The following RHOBTB1 variants were observed in gnomAD, a reference collection of about 807,000 sequenced individuals.
RHOBTB1 encodes the protein Rho related BTB domain containing 1, also known as rho-related BTB domain-containing protein 1.
Under a neutral mutation model 71.6 loss-of-function variants are expected in RHOBTB1, and 40 were observed. That is an observed-to-expected ratio of 0.56 (90% CI 0.43 to 0.73). RHOBTB1 has a LOEUF of 0.73. Ranked by LOEUF, RHOBTB1 falls within the 30% of genes least tolerant of loss-of-function variation. The pLI, the probability that RHOBTB1 is intolerant of heterozygous loss-of-function variation, is 0.00. For missense variants in RHOBTB1, 797 were observed against 894.0 expected (o/e 0.89, Z 1.38); for synonymous variants, 319 against 334.9 (o/e 0.95, Z 0.52).
At chr10:60,873,448 T>A (rs2080897139) in intron 9 of RHOBTB1, among the ~76,000 whole-genome samples, 1 of 152,176 alleles carries the variant, frequency 6.6e-6, no homozygotes, top group Admixed American at 6.5e-5. Flanking sequence ...CATGGGAGAA[T>A]CCATCCTAAG....
At chr10:60,963,027 G>A (rs945139985) in intron 2 of RHOBTB1, among the ~76,000 whole-genome samples, 6 of 152,058 alleles carry the variant, frequency 3.9e-5, no homozygotes, top group Non-Finnish European at 7.4e-5. Context: ...TACAGACCAC[G>A]GCTACAGATG....
intron 2 of RHOBTB1, among the ~76,000 whole-genome samples, chr10:60,915,730 A>G (rs1324141825): frequency 6.6e-6 from 1 of 152,232 alleles, no homozygotes; most frequent in Non-Finnish European, 1.5e-5. Flanking sequence ...CATGGTCTAC[A>G]GAATCACCCC....
chr10:60,937,241 T>A (rs2084642937), intron 2 of RHOBTB1, among the ~76,000 whole-genome samples: 1 of 152,180 alleles, frequency 6.6e-6, no homozygotes, highest in African/African-American at 2.4e-5. Flanking sequence ...CCCAGTGATG[T>A]AATTTAGGCC....
chr10:60,889,460 ATT>A lies in RHOBTB1; in HGVS notation c.483-277_483-276del, dbSNP rs1397464783. Among the ~76,000 whole-genome samples the A allele has an allele frequency of 2.6e-5, 4 of 152,294 alleles. No individual in the cohort carries two copies. In the East Asian group the frequency reaches 5.8e-4, roughly 22 times the overall value. On this transcript the variant is annotated intron_variant, in intron 5 of 10. Transcript: ENST00000337910. ...ATGTTTTTATGTTATTATAAATGGCATTGTTTTTTAAATTTTATTTTCCAATT... is the reference window on the plus strand; with the variant it reads ...ATGTTTTTATGTTATTATAAATGGCAGTTTTTTAAATTTTATTTTCCAATT...
intron 4 of RHOBTB1, among the ~76,000 whole-genome samples, chr10:60,908,364 T>C (rs1367968534): frequency 6.6e-6 from 1 of 152,232 alleles, no homozygotes; most frequent in Non-Finnish European, 1.5e-5. Flanking sequence ...GAATACATTT[T>C]CAAGAATAGG....
chr10:60,998,638 G>C (rs2087144282), intron 1 of RHOBTB1, among the ~76,000 whole-genome samples: 1 of 152,180 alleles, frequency 6.6e-6, no homozygotes, highest in Non-Finnish European at 1.5e-5. Flanking sequence ...GTGGAAAAAG[G>C]GGAAGGGAGA....
At chr10:60,866,869 T>C (rs967001960), downstream of RHOBTB1, among the ~76,000 whole-genome samples, 1 of 152,134 alleles carries the variant, frequency 6.6e-6, no homozygotes, top group African/African-American at 2.4e-5. Flanking sequence ...AGCAGCAAGG[T>C]CAGCATTTGG....
intron 2 of RHOBTB1, among the ~76,000 whole-genome samples, chr10:60,973,266 T>C (rs2086219779): frequency 6.6e-6 from 1 of 152,076 alleles, no homozygotes; most frequent in Non-Finnish European, 1.5e-5. Context: ...TTTTAGTGGT[T>C]GCAGAAAATG....
intron 4 of RHOBTB1, among the ~76,000 whole-genome samples, chr10:60,898,316 A>G (rs184568378): frequency 6.6e-6 from 1 of 152,284 alleles, no homozygotes; most frequent in Non-Finnish European, 1.5e-5. Flanking sequence ...TTCTTTACAG[A>G]AACATTTTCA....
At chr10:60,887,325 G>T (rs530369222) in intron 6 of RHOBTB1, among the ~76,000 whole-genome samples, 10 of 152,310 alleles carry the variant, frequency 6.6e-5, no homozygotes, top group African/African-American at 2.2e-4. Context: ...CTTACTAAAT[G>T]TGTAATGCCC....
At chr10:60,866,024 G>T (rs1159341449), downstream of RHOBTB1, among the ~76,000 whole-genome samples, 1 of 152,104 alleles carries the variant, frequency 6.6e-6, no homozygotes, top group Non-Finnish European at 1.5e-5. Context: ...TAGAGACAGG[G>T]TTTCACCATG....
intron 4 of RHOBTB1, among the ~76,000 whole-genome samples, chr10:60,900,589 T>C (rs755199174): frequency 1.3e-5 from 2 of 152,326 alleles, no homozygotes; most frequent in African/African-American, 4.8e-5. Context: ...TTCTCTCTCA[T>C]TGTGCGCACA....
rs1011739187 is a variant in RHOBTB1, at chr10:60,988,499, CT to C, written c.-162-2555del. Among the ~76,000 whole-genome samples the C allele has an allele frequency of 3.3e-5, 5 of 151,770 alleles. No homozygotes were observed. The South Asian group carries it at 8.3e-4, about 25-fold the overall frequency. On this transcript the variant is annotated intron_variant, in intron 1 of 11. Transcript: ENST00000357917. ...AGTCCCCAGTGTCTGTTGTTCCATTCTTTATGTCCATGTGTACCCAACATTT... is the reference window on the plus strand; with the variant it reads ...AGTCCCCAGTGTCTGTTGTTCCATTCTTATGTCCATGTGTACCCAACATTT...
intron 2 of RHOBTB1, among the ~76,000 whole-genome samples, chr10:60,968,195 C>G (rs1565157045): frequency 1.3e-5 from 2 of 152,124 alleles, no homozygotes; most frequent in African/African-American, 4.8e-5. Flanking sequence ...CTCAATGTGT[C>G]TCTGGAGAAA....
chr10:60,876,284 G>A (rs561835441), intron 8 of RHOBTB1, among the ~76,000 whole-genome samples: 10 of 152,228 alleles, frequency 6.6e-5, no homozygotes, highest in African/African-American at 1.4e-4. Flanking sequence ...AGGATTAAAG[G>A]AATCATCTTG....
chr10:60,955,328 A>T (rs533385733), intron 2 of RHOBTB1, among the ~76,000 whole-genome samples: 2 of 152,170 alleles, frequency 1.3e-5, no homozygotes, highest in Non-Finnish European at 2.9e-5. Flanking sequence ...GGCATGAACC[A>T]CCACACCCAG....
chr10:60,989,189 T>C (rs2086772869), intron 1 of RHOBTB1, among the ~76,000 whole-genome samples: 1 of 106,182 alleles, frequency 9.4e-6, no homozygotes, highest in Admixed American at 9.5e-5. Flanking sequence ...AAAGAGCAAA[T>C]GAGAGAGAAA....
intron 4 of RHOBTB1, among the ~76,000 whole-genome samples, chr10:60,901,465 A>T (rs933911463): frequency 6.8e-4 from 104 of 152,342 alleles, no homozygotes; most frequent in African/African-American, 2.2e-3. Context: ...AGAATGGCAG[A>T]ACACTTTCAT....
chr10:60,892,876 C>G lies in RHOBTB1; in HGVS notation c.416G>C (p.Gly139Ala). 6.2e-7 allele frequency: 1 copy of G among 1,614,072 alleles called. No homozygotes were observed. The highest frequency in any genetic ancestry group is 8.5e-7 in the Non-Finnish European group (1 of 1,179,994). Residue 139 changes from glycine to alanine, a missense_variant, in exon 5 of 11, where the codon GGG becomes GCG. Physicochemically the swap from Gly to Ala is moderately conservative, Grantham distance 60 (BLOSUM62 0). This residue lies in a region of RHOBTB1 where 139 missense variants were observed against 212.5 expected (regional missense o/e 0.65). Transcript: ENST00000337910. ...FCPRTPVILV[G>A]CQLDLRYADL... is the part of the protein sequence containing the mutation. ...GGCATAGCGGAGATCAAGCTGGCACCCAACAAGGATAACGGGTGTTCGAGG... is the reference window on the plus strand; with the variant it reads ...GGCATAGCGGAGATCAAGCTGGCACGCAACAAGGATAACGGGTGTTCGAGG...
Sources: allele counts gnomAD v4.1 joint callset (sites outside exome capture counted in the v4.1 genomes callset), GRCh38; gene constraint gnomAD v4.1.1; regional missense constraint gnomAD v4.1.1; transcripts MANE v1.5; gene names NCBI Gene and HGNC (gene_info 2026-07-23, HGNC 2026-07-21).